NAV1: variants seen among roughly 807,000 people sequenced by gnomAD.
NAV1 encodes neuron navigator 1.
NAV1 carries 18 observed loss-of-function variants against 175.2 expected under a neutral mutation model. The ratio of observed to expected loss-of-function variants is 0.10; its 90% CI spans 0.07 to 0.15. The LOEUF is 0.15. NAV1 is among the 10% of genes least tolerant of loss of function. The probability of loss-of-function intolerance (pLI) is 1.00; values close to 1 mark genes in which losing one functional copy is unlikely to be tolerated. For missense variants in NAV1, 1,731 were observed against 2,436.6 expected (o/e 0.71, Z 6.10); for synonymous variants, 897 against 978.7 (o/e 0.92, Z 1.56).
At chr1:201,589,923 C>T (rs954387605) in intron 2 of NAV1, among the ~76,000 whole-genome samples, 5 of 152,124 alleles carry the variant, frequency 3.3e-5, no homozygotes, top group Non-Finnish European at 5.9e-5. Context: ...GATGGATTCT[C>T]GCTTTGTCAC....
intron 1 of NAV1, among the ~76,000 whole-genome samples, chr1:201,554,320 TG>T (rs1480087732): frequency 6.6e-6 from 1 of 152,180 alleles, no homozygotes; most frequent in Non-Finnish European, 1.5e-5. Flanking sequence ...ATGATGAAGC[TG>T]TTTTACCAGC....
At chr1:201,598,963 T>C (rs1381496889) in intron 2 of NAV1, among the ~76,000 whole-genome samples, 1 of 152,292 alleles carries the variant, frequency 6.6e-6, no homozygotes, top group South Asian at 2.1e-4. Flanking sequence ...AGGTGGGGCA[T>C]TGGCATCAGG....
chr1:201,670,944 G>C (rs1334814370), intron 1 of NAV1, among the ~76,000 whole-genome samples: 1 of 152,188 alleles, frequency 6.6e-6, no homozygotes, highest in African/African-American at 2.4e-5. Context: ...TGACGGCAAT[G>C]GTTTTGGTGC....
intron 1 of NAV1, among the ~76,000 whole-genome samples, chr1:201,690,767 T>A (rs1670896168): frequency 6.8e-6 from 1 of 146,836 alleles, no homozygotes; most frequent in South Asian, 2.2e-4. Flanking sequence ...TCCGTGGCAG[T>A]GTGTGTGTCT....
At chr1:201,741,013 T>A (rs917235579) in intron 3 of NAV1, among the ~76,000 whole-genome samples, 2 of 152,094 alleles carry the variant, frequency 1.3e-5, no homozygotes, top group Admixed American at 6.5e-5. Flanking sequence ...AGTTGGAGGT[T>A]GGGCCCTATG....
intron 3 of NAV1, among the ~76,000 whole-genome samples, chr1:201,758,328 G>A (rs1674639632): frequency 6.6e-6 from 1 of 152,160 alleles, no homozygotes; most frequent in Non-Finnish European, 1.5e-5. Context: ...TTATTTGGTG[G>A]TGATCATATT....
intron 28 of NAV1, 64 bp from the exon 33 acceptor site, chr1:201,817,024 A>G (rs1254825916): frequency 2.0e-6 from 3 of 1,486,178 alleles, no homozygotes; most frequent in East Asian, 4.6e-5. Context: ...CTACCAAAAG[A>G]CTGCATGAAC....
intron 1 of NAV1, among the ~76,000 whole-genome samples, chr1:201,662,480 C>T (rs537517924): frequency 6.6e-6 from 1 of 152,244 alleles, no homozygotes; most frequent in Non-Finnish European, 1.5e-5. Context: ...GAGTCCCTGA[C>T]TGCCTGGGGC....
At position 201,812,680 on chromosome 1, in the gene NAV1, C is replaced by G. The variant is rs1678763441; in HGVS notation, c.5221+19C>G. ...CTCATCGGTACTGGGGTCCAGCTTC[C>G]CCCGGGGGTCAGGAGGTGGCTTCCC... is the stretch of plus-strand genomic sequence containing the variant. On this transcript the variant is annotated intron_variant, in intron 27 of 29. Coordinates refer to ENST00000367296, the Ensembl canonical transcript of NAV1. This position sits in a 1 kb window ranked among gnomAD's most constrained non-coding sequence, Gnocchi z 4.6. 6.2e-7 allele frequency: 1 copy of G among 1,607,864 alleles called. No homozygotes were observed. Among genetic ancestry groups the G allele is most frequent in the East Asian group, 2.2e-5 (1 of 44,800 alleles).
chr1:201,713,911 A>G (rs1367308275), intron 2 of NAV1, among the ~76,000 whole-genome samples: 2 of 152,182 alleles, frequency 1.3e-5, no homozygotes, highest in African/African-American at 4.8e-5. Flanking sequence ...ACATATTTAC[A>G]TACCACCAAT....
exon 7 of NAV1, chr1:201,783,739 C>A (rs1218705923): frequency 6.2e-7 from 1 of 1,614,064 alleles, no homozygotes; most frequent in East Asian, 2.2e-5. Context: ...TCCCCAGTGC[C>A]TTCCCCAGCA....
upstream of NAV1, among the ~76,000 whole-genome samples, chr1:201,622,070 T>C (rs1000821381): frequency 6.6e-6 from 1 of 152,106 alleles, no homozygotes; most frequent in African/African-American, 2.4e-5. Flanking sequence ...CACAAGGAAC[T>C]GCCTTGAACC....
At chr1:201,548,638 G>A (rs1328479537) in intron 1 of NAV1, among the ~76,000 whole-genome samples, 1 of 152,160 alleles carries the variant, frequency 6.6e-6, no homozygotes, top group African/African-American at 2.4e-5. Context: ...GGGAAAAGGA[G>A]GGTCTCTAAT....
chr1:201,744,478 A>G (rs1293739657), intron 3 of NAV1, among the ~76,000 whole-genome samples: 1 of 152,192 alleles, frequency 6.6e-6, no homozygotes, highest in African/African-American at 2.4e-5. Flanking sequence ...TTTTCTTACA[A>G]TGAAAACAGA....
intron 3 of NAV1, among the ~76,000 whole-genome samples, chr1:201,744,180 G>C (rs1335905881): frequency 1.3e-5 from 2 of 152,128 alleles, no homozygotes; most frequent in Admixed American, 6.6e-5. Context: ...ACCACACCCG[G>C]TCAAAACATG....
At chr1:201,720,586 A>G (rs551300556) in intron 3 of NAV1, among the ~76,000 whole-genome samples, 96 of 152,322 alleles carry the variant, frequency 6.3e-4, no homozygotes, top group African/African-American at 2.3e-3. Flanking sequence ...AGGTGGCAGG[A>G]CTTCCGGCTC....
intron 3 of NAV1, among the ~76,000 whole-genome samples, chr1:201,742,937 G>C (rs562339650): frequency 6.6e-6 from 1 of 152,112 alleles, no homozygotes; most frequent in Non-Finnish European, 1.5e-5. Context: ...CTTAATAGGG[G>C]GGACAGTCCG....
chr1:201,819,956 C>A, exon 30 of NAV1: 1 of 1,608,356 alleles, frequency 6.2e-7, no homozygotes, highest in Non-Finnish European at 8.5e-7. Flanking sequence ...ACTGTCACCC[C>A]CGGACAGCAG....
At chr1:201,819,454 A>ATTTT (rs11390244) in intron 29 of NAV1, among the ~76,000 whole-genome samples, 3 of 132,622 alleles carry the variant, frequency 2.3e-5, no homozygotes, top group Admixed American at 7.6e-5. Flanking sequence ...CATGATCTAG[A>ATTTT]TTTTTTTTTT....
Sources: gnomAD v4.1 joint callset for allele counts (sites outside exome capture counted in the v4.1 genomes callset) on GRCh38, gnomAD v4.1.1 for gene constraint, Gnocchi (gnomAD v3.1) non-coding constraint, MANE v1.5 for transcripts, NCBI Gene and HGNC (gene_info 2026-07-23, HGNC 2026-07-21) for gene names.